Variants in PIAS2 observed in about 807,000 individuals in gnomAD.
PIAS2 encodes the protein E3 SUMO-protein ligase PIAS2.
In PIAS2, 19 loss-of-function variants were observed where a neutral mutation model predicts 69.7. That is an observed-to-expected ratio of 0.27 (90% CI 0.19 to 0.40). The LOEUF (loss-of-function observed/expected upper bound fraction) is 0.40. PIAS2 is among the 10% of genes least tolerant of loss of function. The pLI is 1.00. For synonymous variants in PIAS2, 261 were observed against 263.2 expected (o/e 0.99, Z 0.08); for missense variants, 624 against 757.0 (o/e 0.82, Z 2.06).
At chr18:46,865,495 A>G (rs1461371951) in intron 2 of PIAS2, among the ~76,000 whole-genome samples, 1 of 148,934 alleles carries the variant, frequency 6.7e-6, no homozygotes, top group African/African-American at 2.5e-5. Flanking sequence ...CGCTGAGATC[A>G]CACCAGTGCA....
At chr18:46,887,991 G>A (rs937448006) in intron 2 of PIAS2, among the ~76,000 whole-genome samples, 2 of 152,064 alleles carry the variant, frequency 1.3e-5, no homozygotes, top group African/African-American at 4.8e-5. Context: ...CAAAAAACCT[G>A]TTAGAATAAA....
At chr18:46,817,340 AT>A in intron 12 of PIAS2, 1 of 979,174 alleles carries the variant, frequency 1.0e-6, no homozygotes. Flanking sequence ...CAATTTCAGA[AT>A]TTCAATTAAA....
intron 1 of PIAS2, among the ~76,000 whole-genome samples, chr18:46,899,103 A>G (rs2055372753): frequency 6.6e-6 from 1 of 152,172 alleles, no homozygotes; most frequent in African/African-American, 2.4e-5. Flanking sequence ...TTATAAATAT[A>G]AAAAAATTCC....
At chr18:46,825,365 G>A (rs2042715190) in intron 11 of PIAS2, among the ~76,000 whole-genome samples, 1 of 152,168 alleles carries the variant, frequency 6.6e-6, no homozygotes. Flanking sequence ...TATTCAGAAA[G>A]CTCCAATAGA....
chr18:46,888,556 G>T (rs2053564179), intron 2 of PIAS2, among the ~76,000 whole-genome samples: 1 of 151,448 alleles, frequency 6.6e-6, no homozygotes, highest in South Asian at 2.1e-4. Flanking sequence ...CTAGACCAAT[G>T]GAATAAATCA....
At chr18:46,826,025 T>C (rs1034501248) in intron 11 of PIAS2, among the ~76,000 whole-genome samples, 2 of 152,214 alleles carry the variant, frequency 1.3e-5, no homozygotes, top group Non-Finnish European at 2.9e-5. Context: ...CTTCCGTGTA[T>C]TAATGTGTAT....
At position 46,855,381 on chromosome 18, in the gene PIAS2, T is replaced by C. The variant is rs61749949; in HGVS notation, c.690A>G (p.Leu230=). 10,268 of 1,612,208 alleles carry C rather than the reference T, an allele frequency of 6.4e-3. 116 individuals carry two copies. Among genetic ancestry groups the C allele is most frequent in the South Asian group, 0.036 (3,245 of 90,706 alleles). ...ATAGCTTCCCATTTACTTTTATACA[T>C]AGACTATTTGGATAGTTATCTTCTT... ...CPQEDNYPNS[L]CIKVNGKLFP... Residue 230 remains leucine (L), a synonymous_variant, in exon 5 of 14, where the codon CTA becomes CTG. Transcript: ENST00000585916.
At chr18:46,886,711 C>T (rs769543335) in intron 2 of PIAS2, among the ~76,000 whole-genome samples, 2 of 152,064 alleles carry the variant, frequency 1.3e-5, no homozygotes, top group Non-Finnish European at 2.9e-5. Context: ...GTGGCACATG[C>T]CTGTAGCCTC....
chr18:46,881,315 A>G (rs1349357125), intron 2 of PIAS2, among the ~76,000 whole-genome samples: 2 of 152,150 alleles, frequency 1.3e-5, no homozygotes, highest in Non-Finnish European at 2.9e-5. Flanking sequence ...GTGGGTGTGT[A>G]CCATTTTATT....
chr18:46,908,455 T>G (rs2056880715), intron 1 of PIAS2, among the ~76,000 whole-genome samples: 1 of 152,048 alleles, frequency 6.6e-6, no homozygotes, highest in Non-Finnish European at 1.5e-5. Flanking sequence ...TATTATTCTT[T>G]GAGGAAAAAC....
At chr18:46,843,885 C>T (rs2045777064) in intron 8 of PIAS2, 169 bp downstream of exon 8, 1 of 457,794 alleles carries the variant, frequency 2.2e-6, no homozygotes, top group Non-Finnish European at 4.0e-6. Context: ...TCTTTGCATG[C>T]CCAAATAATA....
rs1599204254 is a variant in PIAS2 at position 46,807,179 on chromosome 18, C to CCT, written c.*5252_*5253dup. 1 of 151,004 alleles carries CCT rather than the reference C, an allele frequency of 6.6e-6. No individual in the cohort carries two copies. 9.4% of individuals were successfully genotyped at this position (151,004 alleles called of 1,614,324 possible). ...ACAGGAAGAGGAAAAAGAGAGCTGA[C>CCT]CTCTTAAGGGCAGGCCTTAGGTACA... On this transcript the variant is annotated 3_prime_UTR_variant, in exon 14 of 14. Transcript: ENST00000585916.
Position 46,825,915 on chromosome 18 carries a change from T to C in PIAS2, c.1508+2044A>G, listed in dbSNP as rs565967796. 6.8e-4 allele frequency among the ~76,000 whole-genome samples: 103 copies of C among 152,374 alleles called. 1 individual carries two copies. The highest frequency in any genetic ancestry group is 2.4e-3 in the African/African-American group (100 of 41,598). On this transcript the variant is annotated intron_variant, in intron 11 of 13. Coordinates refer to ENST00000585916, the MANE Select transcript of PIAS2 (RefSeq NM_004671.5). ...AAAGCACTCCTGGGATAAACTCTAG[T>C]TGGTCACAGATGTCATTTTAATATA... is the stretch of plus-strand genomic sequence containing the variant.
intron 2 of PIAS2, among the ~76,000 whole-genome samples, chr18:46,883,621 T>C (rs1458315588): frequency 6.6e-6 from 1 of 152,108 alleles, no homozygotes; most frequent in East Asian, 1.9e-4. Flanking sequence ...GGCAGCTCTC[T>C]TGACCCCAGG....
chr18:46,884,025 T>C (rs1246626241), intron 2 of PIAS2, among the ~76,000 whole-genome samples: 3 of 152,134 alleles, frequency 2.0e-5, no homozygotes, highest in African/African-American at 4.8e-5. Context: ...GAATACCTTA[T>C]ATAAATTTCA....
chr18:46,821,167 C>T, intron 11 of PIAS2, 95 bp from the exon 12 acceptor site: 1 of 1,251,336 alleles, frequency 8.0e-7, no homozygotes, highest in South Asian at 1.3e-5. Flanking sequence ...CGTTCGTTCA[C>T]CAGTTTCAGC....
At position 46,811,842 on chromosome 18, in the gene PIAS2, T is replaced by A. The variant is rs1311960389; in HGVS notation, c.*591A>T. ...AAACCAAGTAACACGAATGCCATTT[T>A]TCTTTGATGCAATCACGAAGAAAAG... is the stretch of plus-strand genomic sequence containing the variant. On this transcript the variant is annotated 3_prime_UTR_variant, in exon 14 of 14. Coordinates refer to ENST00000585916, the MANE Select transcript of PIAS2 (RefSeq NM_004671.5). The A allele has an allele frequency of 6.6e-6, 1 of 152,240 alleles. No individual in the cohort carries two copies. Among genetic ancestry groups the A allele is most frequent in the African/African-American group, 2.4e-5 (1 of 41,458 alleles). 9.4% of individuals were successfully genotyped at this position (152,240 alleles called of 1,614,324 possible).
chr18:46,845,631 TA>T (rs772476218), intron 6 of PIAS2, among the ~76,000 whole-genome samples: 7,605 of 145,276 alleles, frequency 0.052, 232 homozygotes, highest in Non-Finnish European at 0.076. Flanking sequence ...ACATAAATGT[TA>T]AAAAAAAAAA....
chr18:46,822,072 C>A (rs1044597612), intron 11 of PIAS2, among the ~76,000 whole-genome samples: 1 of 152,140 alleles, frequency 6.6e-6, no homozygotes, highest in Admixed American at 6.6e-5. Flanking sequence ...ACTGGGATAA[C>A]CTCTGGGCAT....
Sources: allele counts gnomAD v4.1 joint callset (sites outside exome capture counted in the v4.1 genomes callset), GRCh38; gene constraint gnomAD v4.1.1; transcripts MANE v1.5; gene names NCBI Gene and HGNC (gene_info 2026-07-23, HGNC 2026-07-21).